Variants in CDC42SE2 observed in about 807,000 individuals in gnomAD.
CDC42SE2 encodes the protein CDC42 small effector protein 2.
Under a neutral mutation model 11.5 loss-of-function variants are expected in CDC42SE2, and 3 were observed. The ratio of observed to expected loss-of-function variants is 0.26; its 90% CI spans 0.12 to 0.67. The LOEUF is 0.67. Among genes scored for constraint, CDC42SE2 ranks in the 30% least tolerant of loss-of-function variants. The pLI is 0.80. For missense variants in CDC42SE2, 82 were observed against 106.8 expected (o/e 0.77, Z 1.02); for synonymous variants, 33 against 34.8 (o/e 0.95, Z 0.18).
intron 1 of CDC42SE2, among the ~76,000 whole-genome samples, chr5:131,282,338 C>G (rs1757253232): frequency 6.6e-6 from 1 of 152,072 alleles, no homozygotes; most frequent in African/African-American, 2.4e-5. Flanking sequence ...AGAAAGTGTT[C>G]ATTTTTAAAG....
chr5:131,240,526 C>A (rs141492070), upstream of CDC42SE2, among the ~76,000 whole-genome samples: 1 of 152,162 alleles, frequency 6.6e-6, no homozygotes, highest in African/African-American at 2.4e-5. Flanking sequence ...AAAACACAAA[C>A]GCGTCGGGGT....
chr5:131,353,030 G>A (rs566168775), intron 2 of CDC42SE2, among the ~76,000 whole-genome samples: 7 of 152,094 alleles, frequency 4.6e-5, no homozygotes, highest in East Asian at 3.9e-4. Context: ...GCAGTGGCGC[G>A]TCTTGGTGTA....
At chr5:131,329,654 G>A (rs553640432) in intron 2 of CDC42SE2, among the ~76,000 whole-genome samples, 173 of 151,854 alleles carry the variant, frequency 1.1e-3, no homozygotes, top group African/African-American at 4.1e-3. Flanking sequence ...CTAGGTGGGC[G>A]GATCCCCTGA....
intron 2 of CDC42SE2, among the ~76,000 whole-genome samples, chr5:131,319,478 C>T (rs7705623): frequency 0.011 from 1,642 of 152,220 alleles, 33 homozygotes; most frequent in African/African-American, 0.036. Flanking sequence ...AGAGCTTGCA[C>T]TCTGTATACT....
upstream of CDC42SE2, among the ~76,000 whole-genome samples, chr5:131,242,266 T>C (rs1756546170): frequency 6.6e-6 from 1 of 152,218 alleles, no homozygotes; most frequent in African/African-American, 2.4e-5. Flanking sequence ...AATTCTGGAT[T>C]CTTTTTTCCT....
intron 1 of CDC42SE2, among the ~76,000 whole-genome samples, chr5:131,281,101 A>AT (rs1330046885): frequency 3.9e-5 from 6 of 152,126 alleles, no homozygotes; most frequent in African/African-American, 1.4e-4. Context: ...TCCTTTAAGG[A>AT]TTTTTCCTTG....
intron 1 of CDC42SE2, among the ~76,000 whole-genome samples, chr5:131,291,584 G>T (rs1757458634): frequency 6.6e-6 from 1 of 151,972 alleles, no homozygotes; most frequent in African/African-American, 2.4e-5. Context: ...TCTCATTAAA[G>T]AAGTAAATCT....
At chr5:131,222,131 A>G in the CDC42SE2 span, among the ~76,000 whole-genome samples, 1 of 152,256 alleles carries the variant, frequency 6.6e-6, no homozygotes, top group Non-Finnish European at 1.5e-5. Context: ...TTCATAAGAA[A>G]GAGCAGCTAA....
chr5:131,299,738 C>G (rs1435297560), intron 1 of CDC42SE2, among the ~76,000 whole-genome samples: 1 of 152,144 alleles, frequency 6.6e-6, no homozygotes, highest in Non-Finnish European at 1.5e-5. Context: ...AGCATTGATG[C>G]TAATCGAACT....
At chr5:131,363,989 C>T (rs1749785117) in intron 3 of CDC42SE2, among the ~76,000 whole-genome samples, 1 of 152,148 alleles carries the variant, frequency 6.6e-6, no homozygotes, top group African/African-American at 2.4e-5. Flanking sequence ...AGCCACCACA[C>T]CTGGCCTTGG....
chr5:131,213,447 A>C, the CDC42SE2 span, among the ~76,000 whole-genome samples: 16 of 151,810 alleles, frequency 1.1e-4, no homozygotes, highest in African/African-American at 3.9e-4. Flanking sequence ...TATTTTCTTT[A>C]TTATTGTTAT....
intron 2 of CDC42SE2, among the ~76,000 whole-genome samples, chr5:131,319,876 C>A: frequency 6.6e-6 from 1 of 150,650 alleles, no homozygotes; most frequent in East Asian, 2.0e-4. Flanking sequence ...GCAGTGAAAC[C>A]CCGTCTCTAC....
At chr5:131,215,700 C>T in the CDC42SE2 span, among the ~76,000 whole-genome samples, 5 of 152,164 alleles carry the variant, frequency 3.3e-5, no homozygotes, top group East Asian at 1.9e-4. Flanking sequence ...AACGACCTCT[C>T]ATTCAAAAAC....
intron 1 of CDC42SE2, among the ~76,000 whole-genome samples, chr5:131,304,519 G>A (rs1757744000): frequency 6.6e-6 from 1 of 152,132 alleles, no homozygotes; most frequent in Non-Finnish European, 1.5e-5. Flanking sequence ...CTCATTGAAT[G>A]ATTATAGTAA....
chr5:131,341,802 G>A (rs1000939244), intron 2 of CDC42SE2, among the ~76,000 whole-genome samples: 6 of 152,020 alleles, frequency 3.9e-5, no homozygotes, highest in Non-Finnish European at 8.8e-5. Context: ...GGCTGAGGTA[G>A]GAGAATCGTT....
chr5:131,338,682 A>C (rs572947022), intron 2 of CDC42SE2, among the ~76,000 whole-genome samples: 1 of 152,320 alleles, frequency 6.6e-6, no homozygotes, highest in East Asian at 1.9e-4. Flanking sequence ...ACATACAAAG[A>C]TTAAGTAACT....
At chr5:131,350,733 G>T (rs921901065) in intron 2 of CDC42SE2, among the ~76,000 whole-genome samples, 3 of 151,068 alleles carry the variant, frequency 2.0e-5, no homozygotes, top group African/African-American at 7.3e-5. Context: ...CTTTTTTTTG[G>T]GTAGAAATTA....
the CDC42SE2 span, among the ~76,000 whole-genome samples, chr5:131,210,756 T>G: frequency 1.3e-5 from 2 of 152,342 alleles, no homozygotes; most frequent in Admixed American, 6.5e-5. Context: ...TTGGTCTACT[T>G]CATCTTACTG....
intron 1 of CDC42SE2, among the ~76,000 whole-genome samples, chr5:131,297,245 T>C (rs1757588695): frequency 6.6e-6 from 1 of 151,650 alleles, no homozygotes. Context: ...CAATAAAATA[T>C]GACAGCAGAG....
Sources: allele counts gnomAD v4.1 joint callset (sites outside exome capture counted in the v4.1 genomes callset), GRCh38; gene constraint gnomAD v4.1.1; transcripts MANE v1.5; gene names NCBI Gene and HGNC (gene_info 2026-07-23, HGNC 2026-07-21).